Variants in BMPR1B observed in about 807,000 individuals in gnomAD.
BMPR1B encodes bone morphogenetic protein receptor type 1B.
BMPR1B carries 12 observed loss-of-function variants against 59.1 expected under a neutral mutation model. The ratio of observed to expected loss-of-function variants is 0.20; its 90% CI spans 0.13 to 0.33. The LOEUF (loss-of-function observed/expected upper bound fraction) is 0.33. Among genes scored for constraint, BMPR1B ranks in the 10% least tolerant of loss-of-function variants. The pLI is 1.00. For synonymous variants in BMPR1B, 237 were observed against 207.3 expected (o/e 1.14, Z -1.23); for missense variants, 550 against 610.9 (o/e 0.90, Z 1.05).
chr4:94,780,436 G>A (rs1722544472), intron 1 of BMPR1B, among the ~76,000 whole-genome samples: 1 of 152,032 alleles, frequency 6.6e-6, no homozygotes, highest in Non-Finnish European at 1.5e-5. Context: ...GGACATTTGT[G>A]TTGTTTATAC....
intron 1 of BMPR1B, among the ~76,000 whole-genome samples, chr4:94,844,223 TTGTGTGTG>T (rs150471976): frequency 0.12 from 17,178 of 146,596 alleles, 984 homozygotes; most frequent in South Asian, 0.13. Context: ...TGAATCATCT[TTGTGTGTG>T]TGTGTGTGTG....
chr4:95,038,074 G>GGGTGGTTGT (rs1560610338), intron 3 of BMPR1B, among the ~76,000 whole-genome samples: 11 of 152,282 alleles, frequency 7.2e-5, no homozygotes, highest in African/African-American at 2.4e-4. Context: ...GTAGTAAATA[G>GGGTGGTTGT]AGTACTAGGG....
chr4:94,763,256 C>T (rs1423108472), intron 1 of BMPR1B, among the ~76,000 whole-genome samples: 2 of 152,166 alleles, frequency 1.3e-5, no homozygotes, highest in Non-Finnish European at 2.9e-5. Context: ...TTCCTCTAAC[C>T]CTCAGCTTTG....
At chr4:95,020,815 A>G (rs1423434330) in intron 3 of BMPR1B, among the ~76,000 whole-genome samples, 1 of 152,160 alleles carries the variant, frequency 6.6e-6, no homozygotes, top group Non-Finnish European at 1.5e-5. Context: ...GGCTCAGGCA[A>G]TGCTCCTGCC....
Position 94,826,050 on chromosome 4 carries a change from A to T in BMPR1B, c.-182-49781A>T, listed in dbSNP as rs572852485. Among the ~76,000 whole-genome samples the T allele has an allele frequency of 4.2e-3, 646 of 152,216 alleles. 7 individuals are homozygous for T. The highest frequency in any genetic ancestry group is 0.015 in the African/African-American group (615 of 41,498). On this transcript the variant is annotated intron_variant, in intron 1 of 12. Coordinates refer to ENST00000515059, the MANE Select transcript of BMPR1B (RefSeq NM_001203.3). ...TTTATTTTTATTTGTGGAAAAAAAA[A>T]TTTTAAAATCATTTCCTCAAAAATA... is the stretch of plus-strand genomic sequence containing the variant.
chr4:94,847,998 A>C (rs1185112780), intron 1 of BMPR1B, among the ~76,000 whole-genome samples: 2 of 152,188 alleles, frequency 1.3e-5, no homozygotes, highest in Non-Finnish European at 2.9e-5. Context: ...TGTGATTATT[A>C]TGTATTGAGT....
chr4:94,889,077 A>G (rs1727292177), intron 2 of BMPR1B, among the ~76,000 whole-genome samples: 2 of 151,994 alleles, frequency 1.3e-5, no homozygotes, highest in Non-Finnish European at 2.9e-5. Context: ...AGAAATTTAT[A>G]ATAAAGAGGA....
At position 95,139,708 on chromosome 4, in the gene BMPR1B, C is replaced by CGAGCCGGGCGTGGGACCCTCG. The variant is rs879549099; in HGVS notation, c.1076+8202_1076+8222dup. ...GAGGCTCCATGGGCGTGGGACCCTC[C>CGAGCCGGGCGTGGGACCCTCG]GAGCCGGGCGTGGGACCCTCGGAGC... On this transcript the variant is annotated intron_variant, in intron 10 of 12. Transcript: ENST00000515059. 4.0e-4 allele frequency among the ~76,000 whole-genome samples: 61 copies of CGAGCCGGGCGTGGGACCCTCG among 151,546 alleles called. No homozygotes were observed. The East Asian group carries it at 8.0e-3, about 20-fold the overall frequency.
intron 11 of BMPR1B, 105 bp from the exon 12 acceptor site, chr4:95,152,538 T>G: frequency 2.0e-6 from 2 of 998,426 alleles, no homozygotes; most frequent in Non-Finnish European, 2.8e-6. Flanking sequence ...CCTGAACTTG[T>G]CTGTAATACT....
chr4:94,844,125 C>T (rs1213984825), intron 1 of BMPR1B, among the ~76,000 whole-genome samples: 1 of 151,980 alleles, frequency 6.6e-6, no homozygotes, highest in African/African-American at 2.4e-5. Flanking sequence ...TAATGTATTG[C>T]ATACTTGAAA....
intron 2 of BMPR1B, among the ~76,000 whole-genome samples, chr4:94,960,502 A>C (rs1452555239): frequency 6.6e-6 from 1 of 152,144 alleles, no homozygotes; most frequent in African/African-American, 2.4e-5. Flanking sequence ...AATATTTGGC[A>C]TTCTGAGGTA....
chr4:95,033,453 A>T (rs1406429308), intron 3 of BMPR1B, among the ~76,000 whole-genome samples: 1 of 152,000 alleles, frequency 6.6e-6, no homozygotes, highest in African/African-American at 2.4e-5. Context: ...ATCCACTTTG[A>T]GGTAATTTTT....
At chr4:95,107,589 G>C (rs897512026) in intron 4 of BMPR1B, among the ~76,000 whole-genome samples, 1 of 151,992 alleles carries the variant, frequency 6.6e-6, no homozygotes, top group Non-Finnish European at 1.5e-5. Flanking sequence ...ATAAATATTA[G>C]CATGTTTACT....
rs114347469 is a variant in BMPR1B, at chr4:94,766,921, A to C, written c.-183+8853A>C. On this transcript the variant is annotated intron_variant, in intron 1 of 12. Coordinates refer to ENST00000515059, the MANE Select transcript of BMPR1B (RefSeq NM_001203.3). The stretch of plus-strand genomic sequence containing the variant: ...AGTTCTGTGGCCAGAGACAATATGA[A>C]AATAAAATGGTGTATCTAGAATGAG... Among the ~76,000 whole-genome samples the C allele has an allele frequency of 8.2e-3, 1,251 of 152,298 alleles. 9 individuals carry two copies. The highest frequency in any genetic ancestry group is 0.028 in the African/African-American group (1,169 of 41,566).
intron 1 of BMPR1B, among the ~76,000 whole-genome samples, chr4:94,823,115 ACT>A (rs1724261264): frequency 6.6e-6 from 1 of 151,732 alleles, no homozygotes; most frequent in African/African-American, 2.4e-5. Context: ...TTAACCAGAA[ACT>A]CTTTTAATTG....
intron 1 of BMPR1B, among the ~76,000 whole-genome samples, chr4:94,804,564 C>A (rs967588362): frequency 6.8e-5 from 10 of 146,494 alleles, no homozygotes; most frequent in African/African-American, 2.5e-4. Flanking sequence ...ATTTGAATAA[C>A]TTTTCATATA....
intron 2 of BMPR1B, among the ~76,000 whole-genome samples, chr4:94,994,044 T>C (rs1000679547): frequency 6.6e-6 from 1 of 152,226 alleles, no homozygotes; most frequent in Non-Finnish European, 1.5e-5. Context: ...AATTAAATTC[T>C]TTGCAAGTAC....
At chr4:95,105,468 T>C (rs1731136062) in intron 4 of BMPR1B, among the ~76,000 whole-genome samples, 1 of 151,888 alleles carries the variant, frequency 6.6e-6, no homozygotes, top group Non-Finnish European at 1.5e-5. Flanking sequence ...CAAAGCTGAG[T>C]TGAATGCTTT....
intron 2 of BMPR1B, among the ~76,000 whole-genome samples, chr4:94,907,423 T>C (rs2149007468): frequency 6.6e-6 from 1 of 152,180 alleles, no homozygotes; most frequent in South Asian, 2.1e-4. Flanking sequence ...ATTTATTTGG[T>C]TGTCTGTTCT....
Sources: gnomAD v4.1 joint callset for allele counts (sites outside exome capture counted in the v4.1 genomes callset) on GRCh38, gnomAD v4.1.1 for gene constraint, MANE v1.5 for transcripts, NCBI Gene and HGNC (gene_info 2026-07-23, HGNC 2026-07-21) for gene names.